The following GRAMD1B variants were observed in gnomAD, a reference collection of about 807,000 sequenced individuals.
GRAMD1B encodes GRAM domain containing 1B.
A neutral mutation model predicts 99.7 loss-of-function variants in GRAMD1B; 37 were observed. The observed-to-expected ratio is 0.37, with a 90% confidence interval of 0.29 to 0.49. GRAMD1B has a LOEUF of 0.49. Among genes scored for constraint, GRAMD1B ranks in the 20% least tolerant of loss-of-function variants. GRAMD1B has a pLI of 0.98. For missense variants in GRAMD1B, 888 were observed against 1,009.2 expected, an observed-to-expected ratio of 0.88 and a Z score of 1.63; for synonymous variants, 427 against 387.6, an observed-to-expected ratio of 1.10 and a Z score of -1.19.
intron 2 of GRAMD1B, among the ~76,000 whole-genome samples, chr11:123,535,231 C>G (rs1379361832): frequency 7.5e-6 from 1 of 133,082 alleles, no homozygotes; most frequent in African/African-American, 2.7e-5. Context: ...CTTCTGTGAG[C>G]TTTCCATTTA....
chr11:123,503,840 C>T (rs1757640667), intron 2 of GRAMD1B, among the ~76,000 whole-genome samples: 2 of 152,120 alleles, frequency 1.3e-5, no homozygotes, highest in Admixed American at 6.5e-5. Flanking sequence ...AGCCACCACC[C>T]CCAGCCAAAT....
Position 123,618,801 on chromosome 11 carries a change from GT to G in GRAMD1B, c.2426+2del. On this transcript the variant is annotated splice_donor_variant, in intron 18 of 19. Transcript: ENST00000635736. LOFTEE classifies it high-confidence loss of function. ...GGCAGGGTCTAAGGCTCCAAGAAAG[GT>G]AATCCTGGCCTCGTCCCCTCACCTC... The G allele has an allele frequency of 6.8e-7, 1 of 1,479,016 alleles. No homozygotes were observed. The highest frequency in any genetic ancestry group is 9.3e-7 in the Non-Finnish European group (1 of 1,075,108). 91.6% of individuals were successfully genotyped at this position (1,479,016 alleles called of 1,614,324 possible). A position where few individuals can be genotyped will look rare whatever the true frequency, so the allele number is the denominator to read the frequency against.
intron 3 of GRAMD1B, among the ~76,000 whole-genome samples, chr11:123,579,601 GCCTCCCA>G (rs1260138260): frequency 6.6e-6 from 1 of 152,092 alleles, no homozygotes; most frequent in African/African-American, 2.4e-5. Flanking sequence ...CCTCTTGAGT[GCCTCCCA>G]CCTCTGGCCT....
intron 2 of GRAMD1B, among the ~76,000 whole-genome samples, chr11:123,547,562 C>A (rs559627429): frequency 1.6e-4 from 24 of 152,352 alleles, no homozygotes; most frequent in Non-Finnish European, 3.1e-4. Flanking sequence ...CATCTGATAA[C>A]CTCCCTCTGG....
chr11:123,550,364 C>T (rs1213675901), intron 2 of GRAMD1B, among the ~76,000 whole-genome samples: 1 of 152,052 alleles, frequency 6.6e-6, no homozygotes, highest in East Asian at 1.9e-4. Flanking sequence ...GATCTCCTTC[C>T]CCCCAGACTC....
intron 2 of GRAMD1B, among the ~76,000 whole-genome samples, chr11:123,552,931 A>G (rs1230385405): frequency 2.0e-5 from 3 of 152,248 alleles, no homozygotes; most frequent in Non-Finnish European, 2.9e-5. Flanking sequence ...AAATTTTAAT[A>G]TCTAGAAAAT....
intron 1 of GRAMD1B, chr11:123,381,365 CCCTATTGCGTCATGAGACAAG>C (rs1946866970): frequency 5.2e-5 from 8 of 154,202 alleles, no homozygotes; most frequent in Admixed American, 2.6e-4. Context: ...ATCCAATTCT[CCCTATTGCGTCATGAGACAAG>C]TCCTGGTTAG....
intron 2 of GRAMD1B, among the ~76,000 whole-genome samples, chr11:123,504,713 G>A (rs1278920130): frequency 6.6e-6 from 1 of 151,990 alleles, no homozygotes; most frequent in East Asian, 1.9e-4. Flanking sequence ...ACAAGATCTG[G>A]CTCTGTTGCT....
intron 7 of GRAMD1B, among the ~76,000 whole-genome samples, chr11:123,596,759 T>G (rs1951324048): frequency 6.6e-6 from 1 of 152,344 alleles, no homozygotes; most frequent in African/African-American, 2.4e-5. Context: ...TAAAAAACAA[T>G]TGAAGGCCTG....
intron 1 of GRAMD1B, among the ~76,000 whole-genome samples, chr11:123,374,050 T>C (rs1385189559): frequency 6.6e-6 from 1 of 152,090 alleles, no homozygotes; most frequent in Non-Finnish European, 1.5e-5. Context: ...TGAGATGCGG[T>C]AGGTGTTTCA....
chr11:123,399,083 C>T (rs1428799863), intron 1 of GRAMD1B, among the ~76,000 whole-genome samples: 1 of 152,162 alleles, frequency 6.6e-6, no homozygotes, highest in Non-Finnish European at 1.5e-5. Context: ...GACTTATACT[C>T]CTCATTTCCC....
upstream of GRAMD1B, among the ~76,000 whole-genome samples, chr11:123,427,973 A>C (rs546201781): frequency 5.7e-4 from 87 of 152,232 alleles, no homozygotes; most frequent in Non-Finnish European, 9.8e-4. Flanking sequence ...TATACACTTA[A>C]ATTCAGAGTG....
At chr11:123,471,033 T>C (rs891202233) in intron 1 of GRAMD1B, among the ~76,000 whole-genome samples, 2 of 152,150 alleles carry the variant, frequency 1.3e-5, no homozygotes, top group Non-Finnish European at 2.9e-5. Context: ...ATGTGACGAG[T>C]GACCACATCG....
chr11:123,617,276 C>T (rs1193360348), intron 17 of GRAMD1B, among the ~76,000 whole-genome samples: 5 of 151,760 alleles, frequency 3.3e-5, no homozygotes, highest in South Asian at 2.1e-4. Flanking sequence ...TTCCCCTTCC[C>T]GGGCTCAAGC....
chr11:123,370,939 G>A (rs773756763), intron 1 of GRAMD1B, among the ~76,000 whole-genome samples: 7 of 152,094 alleles, frequency 4.6e-5, no homozygotes, highest in African/African-American at 7.2e-5. Context: ...CGCTGAGCAT[G>A]CTGGTGAGAC....
intron 1 of GRAMD1B, among the ~76,000 whole-genome samples, chr11:123,402,299 G>A (rs1032941785): frequency 3.9e-5 from 6 of 152,274 alleles, no homozygotes; most frequent in African/African-American, 1.4e-4. Flanking sequence ...TTACAGGTAC[G>A]AGCCACCACG....
rs1950212722 is a variant in GRAMD1B at position 123,587,768 on chromosome 11, C to G, written c.684+3436C>G. On this transcript the variant is annotated intron_variant, in intron 4 of 19. Coordinates refer to ENST00000635736, the MANE Select transcript of GRAMD1B (RefSeq NM_001387025.1). The surrounding 1 kb of genome is among the most constrained non-coding windows in gnomAD (Gnocchi z 4.2). ...AGGAGAGGGAGGGATAGTGCCAAGC[C>G]TGGGGAGTGGCTGGCACAAGCGAGA... 6.6e-6 allele frequency among the ~76,000 whole-genome samples: 1 copy of G among 152,160 alleles called. No homozygotes were observed. Among genetic ancestry groups the G allele is most frequent in the Admixed American group, 6.5e-5 (1 of 15,286 alleles).
intron 1 of GRAMD1B, among the ~76,000 whole-genome samples, chr11:123,432,684 GA>G (rs1391067056): frequency 1.3e-5 from 2 of 152,156 alleles, no homozygotes; most frequent in Non-Finnish European, 2.9e-5. Flanking sequence ...GGAAGAGGCT[GA>G]CACCATGACA....
At chr11:123,598,167 C>T in intron 7 of GRAMD1B, 2 of 1,535,954 alleles carry the variant, frequency 1.3e-6, no homozygotes, top group Non-Finnish European at 1.8e-6. Flanking sequence ...GAGCATGATG[C>T]CATTCAGCAA....
Sources: gnomAD v4.1 joint callset for allele counts (sites outside exome capture counted in the v4.1 genomes callset) on GRCh38, gnomAD v4.1.1 for gene constraint, Gnocchi (gnomAD v3.1) non-coding constraint, MANE v1.5 for transcripts, NCBI Gene and HGNC (gene_info 2026-07-23, HGNC 2026-07-21) for gene names.